KIF5C: variants seen among roughly 807,000 people sequenced by gnomAD.
The protein encoded by KIF5C is kinesin heavy chain isoform 5C.
In KIF5C, 18 loss-of-function variants were observed where a neutral mutation model predicts 125.2. The observed-to-expected ratio is 0.14, with a 90% CI of 0.10 to 0.21. The LOEUF is 0.21. KIF5C is among the 10% of genes least tolerant of loss of function. The pLI is 1.00. For missense variants in KIF5C, 780 were observed against 1,183.8 expected (o/e 0.66, Z 5.01); for synonymous variants, 405 against 434.0 (o/e 0.93, Z 0.83).
chr2:148,990,742 T>C (rs1419292311), intron 15 of KIF5C, among the ~76,000 whole-genome samples: 1 of 152,270 alleles, frequency 6.6e-6, no homozygotes, highest in African/African-American at 2.4e-5. Flanking sequence ...TTTCTTCTTA[T>C]GCTGTCATTT....
intron 18 of KIF5C, chr2:148,998,134 T>G (rs1301294536): frequency 3.5e-5 from 17 of 479,154 alleles, no homozygotes; most frequent in Non-Finnish European, 5.6e-5. Flanking sequence ...CAGGCTGGGC[T>G]GTAAAAGGTC....
chr2:148,997,003 G>T (rs1574824317), intron 17 of KIF5C, among the ~76,000 whole-genome samples: 1 of 152,092 alleles, frequency 6.6e-6, no homozygotes, highest in East Asian at 1.9e-4. Context: ...TAGGAGGGCC[G>T]CCCCCAGTGA....
At chr2:148,987,221 A>G (rs1338727562) in intron 15 of KIF5C, among the ~76,000 whole-genome samples, 3 of 152,320 alleles carry the variant, frequency 2.0e-5, no homozygotes, top group East Asian at 3.9e-4. Flanking sequence ...AAGGAGTGGC[A>G]TGTGCATGTG....
chr2:148,948,153 C>T (rs537992355), intron 8 of KIF5C, among the ~76,000 whole-genome samples: 48 of 151,442 alleles, frequency 3.2e-4, no homozygotes, highest in Admixed American at 2.8e-3. Flanking sequence ...CGAGACCATC[C>T]TGGCTAACAT....
chr2:148,969,421 C>T (rs1680836869), intron 11 of KIF5C, among the ~76,000 whole-genome samples: 1 of 74,540 alleles, frequency 1.3e-5, no homozygotes, highest in East Asian at 3.7e-4. Flanking sequence ...GGAAGGTTTC[C>T]AGTGTGTGTG....
chr2:148,941,494 C>G, intron 4 of KIF5C, 116 bp from the exon 5 acceptor site: 1 of 1,369,268 alleles, frequency 7.3e-7, no homozygotes, highest in Non-Finnish European at 1.0e-6. Flanking sequence ...TCACTTTGAA[C>G]CCCTCTTCTT....
At chr2:148,927,754 A>G (rs1004988849) in intron 2 of KIF5C, among the ~76,000 whole-genome samples, 4 of 152,022 alleles carry the variant, frequency 2.6e-5, no homozygotes, top group African/African-American at 7.3e-5. Flanking sequence ...GTAAGTTGGC[A>G]TTTTTGTGAA....
chr2:148,915,550 AT>A lies in KIF5C; in HGVS notation c.127-6584del, dbSNP rs371712852. On this transcript the variant is annotated intron_variant, in intron 1 of 25. Coordinates refer to ENST00000435030, the MANE Select transcript of KIF5C (RefSeq NM_004522.3). ...TTGTTGAATTTTAGCAAGGATTTCA[AT>A]TTCCACTCAATTTGTTGGCTGAGCA... is the stretch of plus-strand genomic sequence containing the variant. 2.9e-4 allele frequency among the ~76,000 whole-genome samples: 44 copies of A among 152,328 alleles called. No individual in the cohort carries two copies. In the East Asian group the frequency reaches 7.1e-3, roughly 25 times the overall value.
At position 148,998,516 on chromosome 2, in the gene KIF5C, C is replaced by T. The variant is rs368734995; in HGVS notation, c.2210+7C>T. 135 of 1,552,820 alleles carry T rather than the reference C, an allele frequency of 8.7e-5. No homozygotes were observed. Among genetic ancestry groups the T allele is most frequent in the Middle Eastern group, 1.7e-4 (1 of 5,850 alleles). On this transcript the variant is annotated splice_region_variant and intron_variant, in intron 19 of 25. Transcript: ENST00000435030. ...TCATTGATGAGATTCGGGAGTGAGT[C>T]GGCCCAGGGCACCAGGGGTGTGGGG... is the stretch of plus-strand genomic sequence containing the variant.
At chr2:148,947,672 C>G (rs1682551297) in intron 8 of KIF5C, among the ~76,000 whole-genome samples, 1 of 152,252 alleles carries the variant, frequency 6.6e-6, no homozygotes, top group African/African-American at 2.4e-5. Flanking sequence ...TGGGGCTGTA[C>G]TCCAGAGCAA....
intron 3 of KIF5C, among the ~76,000 whole-genome samples, chr2:148,935,671 T>C (rs1343377019): frequency 1.3e-5 from 2 of 152,238 alleles, no homozygotes; most frequent in East Asian, 3.8e-4. Flanking sequence ...TGTTTCAGTC[T>C]CTTCAGGTGA....
chr2:148,938,346 A>G (rs2105100088), intron 4 of KIF5C, among the ~76,000 whole-genome samples: 1 of 152,288 alleles, frequency 6.6e-6, no homozygotes, highest in East Asian at 1.9e-4. Context: ...ATGGTTTTTA[A>G]TATATTCCCA....
At chr2:148,971,290 GTCTA>G (rs753154563) in intron 11 of KIF5C, among the ~76,000 whole-genome samples, 10,507 of 136,880 alleles carry the variant, frequency 0.077, 363 homozygotes, top group African/African-American at 0.084. Context: ...CTGTCTGTCT[GTCTA>G]TCTATCTATC....
intron 1 of KIF5C, among the ~76,000 whole-genome samples, chr2:148,914,556 T>G (rs1334532818): frequency 6.6e-6 from 1 of 152,258 alleles, no homozygotes; most frequent in Admixed American, 6.5e-5. Context: ...GCAGGAAGGC[T>G]TACAAGATTC....
At chr2:148,955,733 T>C (rs1450469749) in intron 10 of KIF5C, among the ~76,000 whole-genome samples, 2 of 152,186 alleles carry the variant, frequency 1.3e-5, no homozygotes, top group African/African-American at 4.8e-5. Flanking sequence ...AAGAATGCTA[T>C]ACTCTCTATC....
intron 23 of KIF5C, 135 bp downstream of exon 23, chr2:149,008,202 G>A (rs1682070990): frequency 2.6e-6 from 3 of 1,160,944 alleles, no homozygotes; most frequent in Non-Finnish European, 1.1e-6. Flanking sequence ...GAGGACATGA[G>A]GGCTGGAAAG....
intron 1 of KIF5C, among the ~76,000 whole-genome samples, chr2:148,907,582 T>C (rs1681162599): frequency 1.3e-5 from 2 of 152,174 alleles, no homozygotes; most frequent in South Asian, 4.1e-4. Context: ...GCAAATCTAA[T>C]CTAGGAAGAA....
rs1458449959 is a variant in KIF5C, at chr2:149,024,230, C to T, written c.*1160C>T. Reference sequence around the variant, plus strand: ...TATTGCTTTATCCAAATACATGAATCTAAAGCTGAATCAACCCTTACTTCC... The same window carrying T: ...TATTGCTTTATCCAAATACATGAATTTAAAGCTGAATCAACCCTTACTTCC... On this transcript the variant is annotated 3_prime_UTR_variant, in exon 26 of 26. Coordinates refer to ENST00000435030, the MANE Select transcript of KIF5C (RefSeq NM_004522.3). 1 of 152,600 alleles carries T rather than the reference C, an allele frequency of 6.6e-6. No individual in the cohort carries two copies. Among genetic ancestry groups the T allele is most frequent in the Non-Finnish European group, 1.5e-5 (1 of 68,022 alleles). The allele number at this position is 152,600 out of a possible 1,614,324, so 9.5% of individuals were successfully genotyped here.
rs553924839 is a variant in KIF5C, at chr2:148,941,850, T to G, written c.446-85T>G. On this transcript the variant is annotated intron_variant, in intron 5 of 25. Transcript: ENST00000435030. ...GCAAAGAGATTAGATTTGACTGTCTTTGTAACAAACTTCCATTTTTCCTCC... is the reference window on the plus strand; with the variant it reads ...GCAAAGAGATTAGATTTGACTGTCTGTGTAACAAACTTCCATTTTTCCTCC... The G allele has an allele frequency of 9.1e-6, 14 of 1,542,128 alleles. No homozygotes were observed. The African/African-American group carries it at 1.9e-4, about 21-fold the overall frequency.
Sources: gnomAD v4.1 joint callset for allele counts (sites outside exome capture counted in the v4.1 genomes callset) on GRCh38, gnomAD v4.1.1 for gene constraint, MANE v1.5 for transcripts, NCBI Gene and HGNC (gene_info 2026-07-23, HGNC 2026-07-21) for gene names.